Variants in NBAS observed in about 807,000 individuals in gnomAD.
NBAS encodes NAG/BC035112 fusion.
NBAS carries 219 observed loss-of-function variants against 302.5 expected under a neutral mutation model. That is an observed-to-expected ratio of 0.72 (90% CI 0.65 to 0.81). NBAS has a LOEUF of 0.81. Among genes scored for constraint, NBAS ranks in the 30% least tolerant of loss-of-function variants. The probability of loss-of-function intolerance (pLI) is 0.00; values close to 1 mark genes in which losing one functional copy is unlikely to be tolerated. For missense variants in NBAS, 2,932 were observed against 2,841.6 expected, an observed-to-expected ratio of 1.03 and a Z score of -0.72; for synonymous variants, 1,118 against 1,021.6, an observed-to-expected ratio of 1.09 and a Z score of -1.80.
the NBAS span, among the ~76,000 whole-genome samples, chr2:14,811,232 ACT>A: frequency 6.6e-6 from 1 of 151,958 alleles, no homozygotes; most frequent in African/African-American, 2.4e-5. Context: ...ACATAATGAG[ACT>A]CTGTATCTAC....
chr2:15,491,616 G>C (rs1471260787), intron 11 of NBAS, among the ~76,000 whole-genome samples: 1 of 151,984 alleles, frequency 6.6e-6, no homozygotes, highest in Non-Finnish European at 1.5e-5. Context: ...GGCGCCTGTA[G>C]TCCCAACTAC....
rs2148059566 is a variant in NBAS at position 15,277,076 on chromosome 2, T to C, written c.5164A>G (p.Arg1722Gly). The C allele has an allele frequency of 2.5e-6, 4 of 1,613,794 alleles. No homozygotes were observed. Among genetic ancestry groups the C allele is most frequent in the South Asian group, 1.1e-5 (1 of 91,004 alleles). ...SGLSTLEIEN[R>G]AQDLHLFETL... ...TCAAAGAGATGAAGGTCTTGGGCTC[T>C]ATTTTCAATTTCTAGTGTGGACAAA... is the stretch of plus-strand genomic sequence containing the variant. The change falls in exon 43 of 52, where the codon AGA becomes GGA. Residue 1722 changes from arginine to glycine, a missense_variant. Arg to Gly is a moderately radical substitution (Grantham distance 125). Transcript: ENST00000281513.
chr2:15,448,018 CTCCTTT>C (rs1678831714), intron 21 of NBAS, among the ~76,000 whole-genome samples: 3 of 152,146 alleles, frequency 2.0e-5, no homozygotes, highest in African/African-American at 7.2e-5. Flanking sequence ...CAAGAGAGCA[CTCCTTT>C]CTCTCTCAAG....
chr2:15,313,845 T>C (rs1671386109), intron 38 of NBAS, among the ~76,000 whole-genome samples: 1 of 152,220 alleles, frequency 6.6e-6, no homozygotes, highest in African/African-American at 2.4e-5. Flanking sequence ...CATTCATGAG[T>C]TGACTCCTCA....
chr2:15,166,675 C>T (rs555255399), downstream of NBAS, among the ~76,000 whole-genome samples: 6 of 152,308 alleles, frequency 3.9e-5, no homozygotes, highest in South Asian at 1.2e-3. Flanking sequence ...ACCCATGACA[C>T]CTGCCTTGAC....
At chr2:15,190,669 T>C (rs769394390) in intron 48 of NBAS, among the ~76,000 whole-genome samples, 2 of 152,200 alleles carry the variant, frequency 1.3e-5, no homozygotes, top group Non-Finnish European at 2.9e-5. Flanking sequence ...CAGAACTGGC[T>C]TGTTGGCATT....
chr2:14,886,039 T>C, the NBAS span, among the ~76,000 whole-genome samples: 2 of 152,070 alleles, frequency 1.3e-5, no homozygotes, highest in Admixed American at 1.3e-4. Flanking sequence ...CTGGAGAGGG[T>C]GGCAGATCAA....
the NBAS span, among the ~76,000 whole-genome samples, chr2:15,003,389 A>G: frequency 1.3e-5 from 2 of 152,212 alleles, no homozygotes; most frequent in Non-Finnish European, 1.5e-5. Context: ...GTGCTTATCA[A>G]GTGCCAGGTG....
chr2:15,025,449 C>A, the NBAS span, among the ~76,000 whole-genome samples: 2 of 152,024 alleles, frequency 1.3e-5, no homozygotes, highest in East Asian at 1.9e-4. Flanking sequence ...GCTATTTGGG[C>A]TTTTTTTGTT....
intron 31 of NBAS, among the ~76,000 whole-genome samples, chr2:15,371,348 A>C (rs1051061139): frequency 2.0e-5 from 3 of 152,244 alleles, no homozygotes; most frequent in African/African-American, 7.2e-5. Context: ...AAAACAGGCT[A>C]ATACAATGCC....
At chr2:15,385,743 T>C (rs1243062532) in intron 28 of NBAS, among the ~76,000 whole-genome samples, 3 of 152,160 alleles carry the variant, frequency 2.0e-5, no homozygotes, top group Non-Finnish European at 4.4e-5. Flanking sequence ...GGTCAAGCCA[T>C]GGAAATACGC....
the NBAS span, among the ~76,000 whole-genome samples, chr2:14,854,769 T>G: frequency 2.6e-5 from 4 of 152,126 alleles, no homozygotes; most frequent in Non-Finnish European, 5.9e-5. Context: ...TGTTAAAACT[T>G]GAGCTCCTGC....
chr2:14,989,001 A>G, the NBAS span, among the ~76,000 whole-genome samples: 3 of 152,316 alleles, frequency 2.0e-5, no homozygotes, highest in South Asian at 6.2e-4. Context: ...ATCAAGTAAA[A>G]TCAGAATTAA....
chr2:15,439,034 G>A (rs953976849), intron 21 of NBAS, among the ~76,000 whole-genome samples: 36 of 152,088 alleles, frequency 2.4e-4, no homozygotes, highest in East Asian at 1.4e-3. Context: ...GGTGGCTCAT[G>A]CCTGTAATCC....
At chr2:14,849,269 C>T in the NBAS span, among the ~76,000 whole-genome samples, 364 of 151,954 alleles carry the variant, frequency 2.4e-3, 2 homozygotes, top group Middle Eastern at 3.4e-3. Context: ...TCGAGAACTA[C>T]GTGAAGAATG....
intron 49 of NBAS, among the ~76,000 whole-genome samples, chr2:15,190,053 T>G (rs563945079): frequency 6.6e-6 from 1 of 152,326 alleles, no homozygotes; most frequent in East Asian, 1.9e-4. Context: ...TGTCTGATAC[T>G]TTTGAATAAA....
At chr2:14,906,065 A>G in the NBAS span, among the ~76,000 whole-genome samples, 1 of 152,154 alleles carries the variant, frequency 6.6e-6, no homozygotes, top group Non-Finnish European at 1.5e-5. Flanking sequence ...CAATTTCTGG[A>G]ACACAGTAGG....
intron 23 of NBAS, among the ~76,000 whole-genome samples, chr2:15,421,006 G>T (rs1199759494): frequency 5.3e-5 from 8 of 151,834 alleles, no homozygotes; most frequent in Non-Finnish European, 2.9e-5. Flanking sequence ...GTAGAGGGAG[G>T]TACAGTATGA....
intron 48 of NBAS, among the ~76,000 whole-genome samples, chr2:15,206,722 G>C (rs1666164213): frequency 6.6e-6 from 1 of 152,242 alleles, no homozygotes; most frequent in African/African-American, 2.4e-5. Flanking sequence ...TCAGGCCATT[G>C]CTTCAGAGAG....
Sources: allele counts gnomAD v4.1 joint callset (sites outside exome capture counted in the v4.1 genomes callset), GRCh38; gene constraint gnomAD v4.1.1; transcripts MANE v1.5; gene names NCBI Gene and HGNC (gene_info 2026-07-23, HGNC 2026-07-21).